Variants in AKAP6 observed in about 807,000 individuals in gnomAD.
AKAP6 encodes A-kinase anchor protein 6.
In AKAP6, 58 loss-of-function variants were observed where a neutral mutation model predicts 188.5. That is an observed-to-expected ratio of 0.31 (90% CI 0.25 to 0.38). The LOEUF (loss-of-function observed/expected upper bound fraction) is 0.38, where lower values mean the gene tolerates loss of function less well. AKAP6 is among the 10% of genes least tolerant of loss of function. The probability of loss-of-function intolerance (pLI) is 1.00; values close to 1 mark genes in which losing one functional copy is unlikely to be tolerated. For missense variants in AKAP6, 2,710 were observed against 2,740.0 expected, an observed-to-expected ratio of 0.99 and a Z score of 0.24; for synonymous variants, 989 against 998.6, an observed-to-expected ratio of 0.99 and a Z score of 0.18.
chr14:32,708,954 T>A (rs1890927588), intron 9 of AKAP6, among the ~76,000 whole-genome samples: 1 of 152,078 alleles, frequency 6.6e-6, no homozygotes. Flanking sequence ...TGAAGTAATG[T>A]CTTATAAACC....
chr14:32,435,589 C>T (rs1890352698), intron 2 of AKAP6, among the ~76,000 whole-genome samples: 1 of 152,200 alleles, frequency 6.6e-6, no homozygotes, highest in South Asian at 2.1e-4. Context: ...AGCTCCATCC[C>T]TTAGTGTGGT....
chr14:32,336,846 T>C (rs1886718440), intron 1 of AKAP6, among the ~76,000 whole-genome samples: 1 of 152,172 alleles, frequency 6.6e-6, no homozygotes, highest in African/African-American at 2.4e-5. Flanking sequence ...TGTTCTGAAC[T>C]CATTACAGTC....
chr14:32,716,109 G>T (rs1267914137), intron 9 of AKAP6, among the ~76,000 whole-genome samples: 1 of 151,796 alleles, frequency 6.6e-6, no homozygotes, highest in African/African-American at 2.4e-5. Context: ...GTTTAAATAT[G>T]GGCAGTCTGA....
Position 32,410,276 on chromosome 14 carries a change from A to G in AKAP6, c.-34-23184A>G, listed in dbSNP as rs545616070. Among the ~76,000 whole-genome samples, 9 of 152,256 alleles carry G rather than the reference A, an allele frequency of 5.9e-5. No individual in the cohort carries two copies. In the East Asian group the frequency reaches 1.5e-3, roughly 26 times the overall value. Reference sequence around the variant, plus strand: ...GCTGTCTGAAGGTTTCCTCTGCACAATAAAACTTGGTCTCCATACCCCTTT... The same window carrying G: ...GCTGTCTGAAGGTTTCCTCTGCACAGTAAAACTTGGTCTCCATACCCCTTT... On this transcript the variant is annotated intron_variant, in intron 1 of 13. Transcript: ENST00000280979.
At chr14:32,340,349 C>T (rs1886851724) in intron 1 of AKAP6, among the ~76,000 whole-genome samples, 3 of 152,160 alleles carry the variant, frequency 2.0e-5, no homozygotes, top group Non-Finnish European at 4.4e-5. Context: ...AAATACATTA[C>T]TGTGTTCAAA....
At chr14:32,621,931 T>G (rs962611490) in intron 7 of AKAP6, among the ~76,000 whole-genome samples, 4 of 152,162 alleles carry the variant, frequency 2.6e-5, no homozygotes, top group Admixed American at 1.3e-4. Flanking sequence ...TAATTTTCAT[T>G]TAAGTATTAT....
chr14:32,512,383 T>A (rs1411502895), intron 2 of AKAP6, among the ~76,000 whole-genome samples: 1 of 152,160 alleles, frequency 6.6e-6, no homozygotes, highest in African/African-American at 2.4e-5. Context: ...AAAAATTACT[T>A]TATAGACGAA....
intron 1 of AKAP6, among the ~76,000 whole-genome samples, chr14:32,404,329 A>G (rs1165925928): frequency 6.6e-6 from 1 of 151,956 alleles, no homozygotes; most frequent in African/African-American, 2.4e-5. Flanking sequence ...CTTAATCCCC[A>G]CCTTTTGGAG....
At chr14:32,399,272 G>T (rs763324413) in intron 1 of AKAP6, among the ~76,000 whole-genome samples, 1 of 152,124 alleles carries the variant, frequency 6.6e-6, no homozygotes, top group African/African-American at 2.4e-5. Flanking sequence ...AATATACAGA[G>T]GTATGAGTTT....
At chr14:32,819,801 A>C (rs2007669) in intron 12 of AKAP6, among the ~76,000 whole-genome samples, 45,902 of 151,842 alleles carry the variant, frequency 0.3, 7,092 homozygotes, top group Admixed American at 0.4. Flanking sequence ...AATAAAAATT[A>C]GCCAGGTACG....
chr14:32,514,827 GC>G (rs1332345501), intron 2 of AKAP6, among the ~76,000 whole-genome samples: 2 of 152,142 alleles, frequency 1.3e-5, no homozygotes, highest in Non-Finnish European at 2.9e-5. Flanking sequence ...AGGAGTAATG[GC>G]CTGAACCCAG....
chr14:32,583,061 C>T (rs1365200408), intron 5 of AKAP6, among the ~76,000 whole-genome samples: 7 of 152,140 alleles, frequency 4.6e-5, no homozygotes, highest in South Asian at 2.1e-4. Flanking sequence ...GGAGGAGAGG[C>T]GCTCTGCTTT....
Position 32,833,178 on chromosome 14 carries a change from T to G in AKAP6, c.*3373T>G, listed in dbSNP as rs1458002758. On this transcript the variant is annotated 3_prime_UTR_variant, in exon 14 of 14. Transcript: ENST00000280979. ...CACTCCCTCCGCTTATTTATTCATT[T>G]ATTCAGCCATTCAGCAAACATTTAT... 1 of 152,210 alleles carries G rather than the reference T, an allele frequency of 6.6e-6. No homozygotes were observed. Among genetic ancestry groups the G allele is most frequent in the Non-Finnish European group, 1.5e-5 (1 of 68,042 alleles). 9.4% of individuals were successfully genotyped at this position (152,210 alleles called of 1,614,324 possible). A position where few individuals can be genotyped will look rare whatever the true frequency, so the allele number is the denominator to read the frequency against.
At chr14:32,758,369 G>A (rs2032416806) in intron 11 of AKAP6, among the ~76,000 whole-genome samples, 1 of 152,190 alleles carries the variant, frequency 6.6e-6, no homozygotes, top group Non-Finnish European at 1.5e-5. Context: ...TGATGGCTTT[G>A]TAACTTTCAC....
chr14:32,677,972 T>C (rs549187389), intron 7 of AKAP6, among the ~76,000 whole-genome samples: 16 of 152,140 alleles, frequency 1.1e-4, no homozygotes, highest in Admixed American at 2.0e-4. Context: ...AAAAAATAAG[T>C]GCTACATATG....
chr14:32,659,481 G>T (rs954531749), intron 7 of AKAP6, among the ~76,000 whole-genome samples: 6 of 152,084 alleles, frequency 3.9e-5, no homozygotes, highest in Non-Finnish European at 8.8e-5. Flanking sequence ...TATTTCGGAA[G>T]ATAAGACATG....
intron 12 of AKAP6, among the ~76,000 whole-genome samples, chr14:32,813,394 C>G (rs909924334): frequency 2.5e-5 from 3 of 118,008 alleles, no homozygotes; most frequent in Non-Finnish European, 3.5e-5. Context: ...ACCCTACCCC[C>G]CCCCCCAACC....
intron 1 of AKAP6, among the ~76,000 whole-genome samples, chr14:32,346,801 C>G (rs981662345): frequency 1.3e-5 from 2 of 152,194 alleles, no homozygotes. Context: ...AGCCACCGCA[C>G]CCAGCCAGAA....
rs895519895 is a variant in AKAP6 at position 32,736,007 on chromosome 14, A to C, written c.3372+125A>C. 2.4e-5 allele frequency: 17 copies of C among 702,132 alleles called. No individual in the cohort carries two copies. In the African/African-American group the frequency reaches 2.7e-4, roughly 11 times the overall value. 43.5% of individuals were successfully genotyped at this position (702,132 alleles called of 1,614,324 possible). On this transcript the variant is annotated intron_variant, in intron 11 of 13. Transcript: ENST00000280979. The stretch of plus-strand genomic sequence containing the variant: ...CACTGTGCACCTAAATGTTTCCTTG[A>C]ATTTATAGACAACCTCCACATTTCT...
Sources: gnomAD v4.1 joint callset for allele counts (sites outside exome capture counted in the v4.1 genomes callset) on GRCh38, gnomAD v4.1.1 for gene constraint, MANE v1.5 for transcripts, NCBI Gene and HGNC (gene_info 2026-07-23, HGNC 2026-07-21) for gene names.